The following COL26A1 variants were observed in gnomAD, a reference collection of about 807,000 sequenced individuals.
The protein encoded by COL26A1 is collagen alpha-1(XXVI) chain.
COL26A1 carries 41 observed loss-of-function variants against 59.3 expected under a neutral mutation model. That is an observed-to-expected ratio of 0.69 (90% CI 0.54 to 0.90). The LOEUF is 0.90. COL26A1 is among the 40% of genes least tolerant of loss of function. The pLI is 0.00. For missense variants in COL26A1, 612 were observed against 602.3 expected (o/e 1.02, Z -0.17); for synonymous variants, 266 against 256.0 (o/e 1.04, Z -0.37).
chr7:101,557,311 T>C, intron 12 of COL26A1, 59 bp from the exon 13 acceptor site: 1 of 1,531,832 alleles, frequency 6.5e-7, no homozygotes, highest in East Asian at 2.3e-5. Context: ...CATGATCAAA[T>C]GTACCCCCAA....
chr7:101,363,733 G>A lies in COL26A1; in HGVS notation c.158+543G>A, dbSNP rs929300591. 8.4e-4 allele frequency among the ~76,000 whole-genome samples: 127 copies of A among 152,094 alleles called. 1 individual carries two copies. The highest frequency in any genetic ancestry group is 1.6e-3 in the Non-Finnish European group (106 of 67,968). ...TCGCTTCCCCAACCTTCGCCCCCTC[G>A]TTCCGGGCTCCGAGTAGAGGTGGTT... On this transcript the variant is annotated intron_variant, in intron 1 of 12. Coordinates refer to ENST00000313669, the MANE Select transcript of COL26A1 (RefSeq NM_001278563.3).
chr7:101,368,201 G>T (rs139191777), intron 1 of COL26A1, among the ~76,000 whole-genome samples: 1 of 152,212 alleles, frequency 6.6e-6, no homozygotes, highest in Non-Finnish European at 1.5e-5. Context: ...TTACATCTTG[G>T]GTGCTGTAGT....
chr7:101,504,170 G>A (rs528612740), intron 3 of COL26A1, among the ~76,000 whole-genome samples: 13 of 152,084 alleles, frequency 8.5e-5, no homozygotes, highest in Admixed American at 2.6e-4. Flanking sequence ...GTGCAATCTC[G>A]GCTCACTGCA....
At chr7:101,428,693 G>A (rs555197311) in intron 2 of COL26A1, among the ~76,000 whole-genome samples, 17 of 152,030 alleles carry the variant, frequency 1.1e-4, no homozygotes, top group African/African-American at 4.1e-4. Flanking sequence ...GTGTGTGTGT[G>A]TTGAGACACA....
At chr7:101,521,817 T>C (rs557297461) in intron 3 of COL26A1, among the ~76,000 whole-genome samples, 2 of 152,042 alleles carry the variant, frequency 1.3e-5, no homozygotes, top group Non-Finnish European at 2.9e-5. Flanking sequence ...TCACCTGAAT[T>C]CCAACACCTT....
intron 1 of COL26A1, among the ~76,000 whole-genome samples, chr7:101,379,157 C>T (rs1430306515): frequency 2.0e-5 from 3 of 152,166 alleles, no homozygotes; most frequent in African/African-American, 4.8e-5. Flanking sequence ...CTTGGCCACA[C>T]GGCTGATGCT....
At chr7:101,500,922 G>A (rs907428932) in intron 3 of COL26A1, among the ~76,000 whole-genome samples, 2 of 151,884 alleles carry the variant, frequency 1.3e-5, no homozygotes, top group African/African-American at 4.8e-5. Flanking sequence ...GGTGGCTCAC[G>A]CCTGTAATCC....
chr7:101,392,996 AT>A (rs1791769126), intron 1 of COL26A1, among the ~76,000 whole-genome samples: 1 of 133,694 alleles, frequency 7.5e-6, no homozygotes, highest in African/African-American at 2.7e-5. Flanking sequence ...CAATAAAAAA[AT>A]GTTTTTTTGT....
chr7:101,555,477 A>G (rs1795952309), intron 11 of COL26A1, among the ~76,000 whole-genome samples: 1 of 152,156 alleles, frequency 6.6e-6, no homozygotes, highest in Non-Finnish European at 1.5e-5. Context: ...GGTGGAAGGA[A>G]AAGCTCAGGC....
chr7:101,457,281 G>T (rs1443289326), intron 3 of COL26A1, among the ~76,000 whole-genome samples: 3 of 152,122 alleles, frequency 2.0e-5, no homozygotes, highest in Non-Finnish European at 4.4e-5. Context: ...ACCAATCTTA[G>T]GTTCTACCAT....
intron 3 of COL26A1, among the ~76,000 whole-genome samples, chr7:101,525,829 C>T (rs1010749813): frequency 2.6e-5 from 4 of 152,030 alleles, no homozygotes; most frequent in East Asian, 1.9e-4. Context: ...AGTGACCAAA[C>T]GTAGAGACTT....
chr7:101,532,180 A>G (rs17386098), intron 3 of COL26A1, among the ~76,000 whole-genome samples: 1,784 of 152,264 alleles, frequency 0.012, 14 homozygotes, highest in Non-Finnish European at 0.019. Context: ...TACAGCCCAG[A>G]GAGATGTGCT....
At chr7:101,373,276 C>T (rs1791235987) in intron 1 of COL26A1, among the ~76,000 whole-genome samples, 1 of 152,216 alleles carries the variant, frequency 6.6e-6, no homozygotes, top group Non-Finnish European at 1.5e-5. Flanking sequence ...GGCTACAGGC[C>T]TGAGCTCCTG....
At chr7:101,446,310 C>A (rs1286352090) in intron 2 of COL26A1, among the ~76,000 whole-genome samples, 2 of 152,176 alleles carry the variant, frequency 1.3e-5, no homozygotes, top group Non-Finnish European at 2.9e-5. Flanking sequence ...ACCTACCCAT[C>A]CCTTTCCATG....
chr7:101,518,182 G>A lies in COL26A1; in HGVS notation c.386-14900G>A, dbSNP rs149966844. ...CCCCAATGGCCAGAGAACCTTGCCC[G>A]CATCTTGCTGTATTTTTGGGAATTT... On this transcript the variant is annotated intron_variant, in intron 3 of 12. Transcript: ENST00000313669. Among the ~76,000 whole-genome samples the A allele has an allele frequency of 6.4e-3, 968 of 152,186 alleles. 5 individuals carry two copies. Among genetic ancestry groups the A allele is most frequent in the African/African-American group, 9.6e-3 (400 of 41,518 alleles).
chr7:101,521,414 C>T (rs1475059468), intron 3 of COL26A1, among the ~76,000 whole-genome samples: 1 of 152,062 alleles, frequency 6.6e-6, no homozygotes, highest in East Asian at 1.9e-4. Context: ...TTCTGTAAGC[C>T]AGTTGTGTAC....
At chr7:101,383,467 A>G (rs1453491800) in intron 1 of COL26A1, among the ~76,000 whole-genome samples, 1 of 152,056 alleles carries the variant, frequency 6.6e-6, no homozygotes, top group African/African-American at 2.4e-5. Flanking sequence ...CCTGGGTTCA[A>G]ATGATTATCC....
At chr7:101,485,792 AGCCGAG>A (rs1584450834) in intron 3 of COL26A1, among the ~76,000 whole-genome samples, 1 of 152,050 alleles carries the variant, frequency 6.6e-6, no homozygotes, top group Non-Finnish European at 1.5e-5. Context: ...GGCTGAGATG[AGCCGAG>A]GCCCAGCCGC....
intron 1 of COL26A1, among the ~76,000 whole-genome samples, chr7:101,373,526 C>CATGA (rs35694461): frequency 0.58 from 87,680 of 151,484 alleles, 26,933 homozygotes; most frequent in African/African-American, 0.8. Context: ...TGAATGAACA[C>CATGA]ATGAATGAAT....
Sources: gnomAD v4.1 joint callset for allele counts (sites outside exome capture counted in the v4.1 genomes callset) on GRCh38, gnomAD v4.1.1 for gene constraint, MANE v1.5 for transcripts, NCBI Gene and HGNC (gene_info 2026-07-23, HGNC 2026-07-21) for gene names.